The following UBP1 variants were observed in gnomAD, a reference collection of about 807,000 sequenced individuals.
The protein encoded by UBP1 is upstream binding protein 1.
A neutral mutation model predicts 76.1 loss-of-function variants in UBP1; 22 were observed. That is an observed-to-expected ratio of 0.29 (90% CI 0.21 to 0.41). The LOEUF (loss-of-function observed/expected upper bound fraction) is 0.41, where lower values mean the gene tolerates loss of function less well. Among genes scored for constraint, UBP1 ranks in the 10% least tolerant of loss-of-function variants. The pLI, the probability that UBP1 is intolerant of heterozygous loss-of-function variation, is 1.00. For synonymous variants in UBP1, 224 were observed against 237.1 expected, an observed-to-expected ratio of 0.94 and a Z score of 0.51; for missense variants, 436 against 668.1, an observed-to-expected ratio of 0.65 and a Z score of 3.83.
intron 6 of UBP1, 42 bp from the exon 7 acceptor site, chr3:33,409,388 C>A (rs377594959): frequency 4.9e-5 from 79 of 1,613,774 alleles, no homozygotes; most frequent in Admixed American, 2.2e-4. Context: ...AGGCTGCAGA[C>A]ACACAGCTTT....
intron 3 of UBP1, chr3:33,414,056 CT>C (rs1204032156): frequency 6.6e-6 from 1 of 151,880 alleles, no homozygotes; most frequent in Non-Finnish European, 1.5e-5. Context: ...GACTTCAGAG[CT>C]TTACTAAGCC....
intron 15 of UBP1, chr3:33,390,648 GAC>G (rs1335638195): frequency 2.0e-6 from 1 of 493,578 alleles, no homozygotes; most frequent in Non-Finnish European, 3.7e-6. Flanking sequence ...CATCTATCAA[GAC>G]ACACAATAAT....
At position 33,389,723 on chromosome 3, in the gene UBP1, A is replaced by G. The variant is rs921912072; in HGVS notation, c.*608T>C. 6.5e-5 allele frequency: 10 copies of G among 152,848 alleles called. No homozygotes were observed. The highest frequency in any genetic ancestry group is 1.9e-4 in the African/African-American group (8 of 41,456). The allele number at this position is 152,848 out of a possible 1,614,324, so 9.5% of individuals were successfully genotyped here. The stretch of plus-strand genomic sequence containing the variant: ...ACTCCTGATAATGCAGTTTGCTTCA[A>G]GCCCATCTTCCTGGCTTGGATCTTC... On this transcript the variant is annotated 3_prime_UTR_variant, in exon 16 of 16. Transcript: ENST00000283629.
At chr3:33,395,032 A>G (rs2154054876) in intron 13 of UBP1, among the ~76,000 whole-genome samples, 1 of 152,228 alleles carries the variant, frequency 6.6e-6, no homozygotes, top group East Asian at 1.9e-4. Flanking sequence ...ATATCCCTCC[A>G]CAAACACTCA....
At position 33,409,536 on chromosome 3, in the gene UBP1, C is replaced by A. The variant is rs368699814; in HGVS notation, c.621G>T (p.Arg207Ser). Residue 207 changes from arginine (R) to serine (S), a missense_variant, in exon 6 of 16, where the codon AGG becomes AGT. Physicochemically the swap from Arg to Ser is moderately radical, Grantham distance 110. Transcript: ENST00000283629. ...TCTGCTTAAAGGTGTCAACCTGGATCCTAAAGGGCACTCCCTTTTCACCTC... is the reference window on the plus strand; with the variant it reads ...TCTGCTTAAAGGTGTCAACCTGGATACTAAAGGGCACTCCCTTTTCACCTC... The part of the protein sequence containing the change: ...KHGGEKGVPF[R>S]IQVDTFKQNE... The A allele has an allele frequency of 6.2e-7, 1 of 1,613,992 alleles. No individual in the cohort carries two copies. The highest frequency in any genetic ancestry group is 8.5e-7 in the Non-Finnish European group (1 of 1,180,030).
At chr3:33,438,777 T>C (rs1330370472) in intron 1 of UBP1, among the ~76,000 whole-genome samples, 1 of 152,166 alleles carries the variant, frequency 6.6e-6, no homozygotes, top group East Asian at 1.9e-4. Flanking sequence ...CAGGCCAGCT[T>C]TAACCCAGAA....
At chr3:33,407,102 G>A (rs2044447476) in intron 8 of UBP1, among the ~76,000 whole-genome samples, 1 of 152,128 alleles carries the variant, frequency 6.6e-6, no homozygotes, top group Non-Finnish European at 1.5e-5. Flanking sequence ...GTGACAATCT[G>A]TACCCTGCAT....
chr3:33,431,966 C>T (rs1215798586), intron 1 of UBP1, among the ~76,000 whole-genome samples: 2 of 152,128 alleles, frequency 1.3e-5, no homozygotes, highest in Non-Finnish European at 2.9e-5. Flanking sequence ...CCACTATTAA[C>T]AAAATCTGAA....
intron 2 of UBP1, among the ~76,000 whole-genome samples, chr3:33,424,834 T>C (rs903905967): frequency 9.2e-5 from 14 of 152,264 alleles, no homozygotes; most frequent in African/African-American, 2.2e-4. Context: ...TCACTTAAGG[T>C]CAGGAGTCTG....
chr3:33,403,985 C>A (rs1162810584), intron 8 of UBP1, among the ~76,000 whole-genome samples: 1 of 152,196 alleles, frequency 6.6e-6, no homozygotes, highest in Non-Finnish European at 1.5e-5. Flanking sequence ...GTGACTCATG[C>A]CCCTAATCTC....
At chr3:33,422,058 A>G (rs2044909357) in intron 2 of UBP1, among the ~76,000 whole-genome samples, 1 of 152,156 alleles carries the variant, frequency 6.6e-6, no homozygotes, top group Admixed American at 6.5e-5. Flanking sequence ...ATAAATAAAT[A>G]ATAAAATTAA....
In UBP1 at chr3:33,425,406, T is replaced by A. The variant is rs1360028997; in HGVS notation, c.265+184A>T. Among the ~76,000 whole-genome samples, 3 of 152,238 alleles carry A rather than the reference T, an allele frequency of 2.0e-5. No homozygotes were observed. In the South Asian group the frequency reaches 6.2e-4, roughly 31 times the overall value. On this transcript the variant is annotated intron_variant, in intron 2 of 15. Coordinates refer to ENST00000283629, the MANE Select transcript of UBP1 (RefSeq NM_014517.5). ...CTCCTCAGACCCTCTTTAATGCAAATCAGTTTACACAAACTGTACTTCAGC... is the reference window on the plus strand; with the variant it reads ...CTCCTCAGACCCTCTTTAATGCAAAACAGTTTACACAAACTGTACTTCAGC...
chr3:33,427,565 GTCAAT>G (rs1176433244), intron 1 of UBP1, among the ~76,000 whole-genome samples: 2 of 152,102 alleles, frequency 1.3e-5, no homozygotes, highest in Non-Finnish European at 2.9e-5. Flanking sequence ...GGGTAGCCAG[GTCAAT>G]TCAATTCAAT....
At chr3:33,407,752 A>G (rs765068315) in intron 8 of UBP1, among the ~76,000 whole-genome samples, 8 of 152,212 alleles carry the variant, frequency 5.3e-5, no homozygotes, top group Non-Finnish European at 8.8e-5. Flanking sequence ...CGATATGTGT[A>G]AGAATGAAAA....
intron 1 of UBP1, among the ~76,000 whole-genome samples, chr3:33,437,836 C>T (rs1188629105): frequency 6.6e-6 from 1 of 152,088 alleles, no homozygotes; most frequent in Non-Finnish European, 1.5e-5. Flanking sequence ...CTTATCGAGT[C>T]AATTTTGGAA....
intron 1 of UBP1, 31 bp from the exon 2 acceptor site, chr3:33,425,772 C>T (rs762469838): frequency 4.5e-6 from 7 of 1,551,172 alleles, no homozygotes; most frequent in Non-Finnish European, 6.2e-6. Flanking sequence ...ACTGACCTTA[C>T]TTTGGGTTTG....
At chr3:33,401,430 C>G (rs988642752) in intron 9 of UBP1, among the ~76,000 whole-genome samples, 2 of 152,070 alleles carry the variant, frequency 1.3e-5, no homozygotes, top group Non-Finnish European at 2.9e-5. Flanking sequence ...AGTACAATGA[C>G]CCTAAGCAAA....
At chr3:33,437,506 C>A (rs1249436108) in intron 1 of UBP1, among the ~76,000 whole-genome samples, 1 of 152,186 alleles carries the variant, frequency 6.6e-6, no homozygotes, top group Non-Finnish European at 1.5e-5. Flanking sequence ...TAAGAGAAGT[C>A]TTTTAAGAAA....
intron 14 of UBP1, chr3:33,392,872 C>T: frequency 2.5e-6 from 1 of 404,412 alleles, no homozygotes; most frequent in Non-Finnish European, 4.4e-6. Flanking sequence ...CTGCCGGCTC[C>T]AGTGGATGAT....
Sources: gnomAD v4.1 joint callset for allele counts (sites outside exome capture counted in the v4.1 genomes callset) on GRCh38, gnomAD v4.1.1 for gene constraint, MANE v1.5 for transcripts, NCBI Gene and HGNC (gene_info 2026-07-23, HGNC 2026-07-21) for gene names.